SH3GL2: variants seen among roughly 807,000 people sequenced by gnomAD.
The protein encoded by SH3GL2 is SH3 domain containing GRB2 like 2, endophilin A1.
In SH3GL2, 24 loss-of-function variants were observed where a neutral mutation model predicts 46.0. The observed-to-expected ratio is 0.52, with a 90% confidence interval of 0.38 to 0.73. SH3GL2 has a LOEUF of 0.73. SH3GL2 is among the 30% of genes least tolerant of loss of function. The pLI is 0.00. For missense variants in SH3GL2, 413 were observed against 424.2 expected, an observed-to-expected ratio of 0.97 and a Z score of 0.23; for synonymous variants, 196 against 147.1, an observed-to-expected ratio of 1.33 and a Z score of -2.40.
chr9:17,675,005 G>C (rs542361697), intron 1 of SH3GL2, among the ~76,000 whole-genome samples: 1 of 152,282 alleles, frequency 6.6e-6, no homozygotes, highest in Non-Finnish European at 1.5e-5. Context: ...CAAGGGGTGT[G>C]CATACAGGGA....
chr9:17,623,034 TCCTTTCCTTCCCCTTCC>T (rs1244811867), intron 1 of SH3GL2, among the ~76,000 whole-genome samples: 4 of 106,330 alleles, frequency 3.8e-5, no homozygotes, highest in East Asian at 5.1e-4. Context: ...TCCTTTCCTT[TCCTTTCCTTCCCCTTCC>T]CCTTCCCCTT....
At chr9:17,645,983 G>A (rs1479083163) in intron 1 of SH3GL2, among the ~76,000 whole-genome samples, 3 of 151,942 alleles carry the variant, frequency 2.0e-5, no homozygotes, top group South Asian at 2.1e-4. Context: ...ACTTGGTTCC[G>A]TTTTCCCCAT....
chr9:17,605,302 C>T (rs1818743058), intron 1 of SH3GL2, among the ~76,000 whole-genome samples: 1 of 152,072 alleles, frequency 6.6e-6, no homozygotes, highest in Non-Finnish European at 1.5e-5. Context: ...TTTCCAATCC[C>T]AGGTAATAGA....
intron 1 of SH3GL2, among the ~76,000 whole-genome samples, chr9:17,592,889 C>G (rs1818510301): frequency 6.6e-6 from 1 of 152,078 alleles, no homozygotes; most frequent in South Asian, 2.1e-4. Context: ...ACTTTCAGCT[C>G]CAGCCTCCTT....
At chr9:17,738,908 A>T (rs112726128) in intron 1 of SH3GL2, among the ~76,000 whole-genome samples, 16 of 152,224 alleles carry the variant, frequency 1.1e-4, no homozygotes, top group Middle Eastern at 3.4e-3. Context: ...AACAGATTGT[A>T]GATGTTAACC....
chr9:17,731,325 G>C (rs558574920), intron 1 of SH3GL2, among the ~76,000 whole-genome samples: 1 of 151,746 alleles, frequency 6.6e-6, no homozygotes, highest in Non-Finnish European at 1.5e-5. Context: ...GGTGTTTAAA[G>C]TTATATGAGT....
intron 1 of SH3GL2, among the ~76,000 whole-genome samples, chr9:17,737,513 T>G (rs1178463114): frequency 1.3e-5 from 2 of 152,118 alleles, no homozygotes; most frequent in Non-Finnish European, 2.9e-5. Flanking sequence ...ATACGCAGTT[T>G]GCACTGCTGG....
At chr9:17,587,047 G>C (rs116082042) in intron 1 of SH3GL2, among the ~76,000 whole-genome samples, 2,889 of 152,140 alleles carry the variant, frequency 0.019, 100 homozygotes, top group African/African-American at 0.065. Context: ...ACTAAAAATG[G>C]GAAAATTAGC....
intron 1 of SH3GL2, among the ~76,000 whole-genome samples, chr9:17,656,555 C>A (rs1409009108): frequency 1.3e-5 from 2 of 151,630 alleles, no homozygotes; most frequent in African/African-American, 4.8e-5. Context: ...AAAGTATATG[C>A]CTGTGATTGG....
At chr9:17,747,485 T>C (rs1381249598) in intron 2 of SH3GL2, among the ~76,000 whole-genome samples, 2 of 152,014 alleles carry the variant, frequency 1.3e-5, no homozygotes, top group Non-Finnish European at 2.9e-5. Flanking sequence ...CCAAATGTTT[T>C]TGGGAGAGTT....
intron 1 of SH3GL2, among the ~76,000 whole-genome samples, chr9:17,712,458 T>G (rs1821652003): frequency 6.6e-6 from 1 of 151,852 alleles, no homozygotes; most frequent in African/African-American, 2.4e-5. Context: ...TAGGTAGACC[T>G]GTGATCAGTT....
intron 3 of SH3GL2, among the ~76,000 whole-genome samples, chr9:17,763,076 G>A (rs10963254): frequency 0.16 from 23,958 of 152,176 alleles, 2,328 homozygotes; most frequent in Middle Eastern, 0.25. Flanking sequence ...TGCATTTTCA[G>A]TGCAGTGCTA....
intron 1 of SH3GL2, among the ~76,000 whole-genome samples, chr9:17,620,406 G>A (rs1040235133): frequency 1.4e-4 from 22 of 152,156 alleles, no homozygotes; most frequent in African/African-American, 5.1e-4. Flanking sequence ...AACAGCTTAC[G>A]CATGTTACTT....
chr9:17,786,268 T>A (rs1469721520), intron 3 of SH3GL2, 113 bp from the exon 4 acceptor site: 1 of 917,732 alleles, frequency 1.1e-6, no homozygotes, highest in East Asian at 2.5e-5. Context: ...AAGGTACACT[T>A]ATCAGTAGCT....
chr9:17,640,512 A>C (rs906985782), intron 1 of SH3GL2, among the ~76,000 whole-genome samples: 1 of 152,154 alleles, frequency 6.6e-6, no homozygotes, highest in Non-Finnish European at 1.5e-5. Flanking sequence ...AAAACCAACA[A>C]CGTTGGTATG....
At chr9:17,616,788 T>C (rs1468777543) in intron 1 of SH3GL2, among the ~76,000 whole-genome samples, 2 of 152,224 alleles carry the variant, frequency 1.3e-5, no homozygotes, top group Non-Finnish European at 2.9e-5. Flanking sequence ...TTGCATCTTA[T>C]TGTCTGATTT....
At chr9:17,732,207 G>A (rs1005074933) in intron 1 of SH3GL2, among the ~76,000 whole-genome samples, 1 of 150,790 alleles carries the variant, frequency 6.6e-6, no homozygotes, top group African/African-American at 2.5e-5. Context: ...TACTGTTGGA[G>A]ATGGTGACCG....
intron 1 of SH3GL2, among the ~76,000 whole-genome samples, chr9:17,732,915 G>A (rs1588283424): frequency 6.6e-6 from 1 of 152,050 alleles, no homozygotes; most frequent in South Asian, 2.1e-4. Flanking sequence ...AAGTTTGAGT[G>A]GGTTTGGAAT....
In SH3GL2 at chr9:17,782,844, C is replaced by T. The variant is rs895511842; in HGVS notation, c.188-3537C>T. ...AAACTGGAAGCCACAGGCACCTCTG[C>T]ATCTTTCTGTCACCCTCTCTAACGC... On this transcript the variant is annotated intron_variant, in intron 3 of 8. Transcript: ENST00000380607. Among the ~76,000 whole-genome samples the T allele has an allele frequency of 7.2e-5, 11 of 152,174 alleles. 1 individual carries two copies. Among genetic ancestry groups the T allele is most frequent in the Non-Finnish European group, 1.5e-4 (10 of 68,018 alleles).
Sources: gnomAD v4.1 joint callset for allele counts (sites outside exome capture counted in the v4.1 genomes callset) on GRCh38, gnomAD v4.1.1 for gene constraint, MANE v1.5 for transcripts, NCBI Gene and HGNC (gene_info 2026-07-23, HGNC 2026-07-21) for gene names.